CDC73: variants seen among roughly 807,000 people sequenced by gnomAD.
CDC73 encodes the protein parafibromin.
A neutral mutation model predicts 83.7 loss-of-function variants in CDC73; 21 were observed. That is an observed-to-expected ratio of 0.25 (90% CI 0.18 to 0.36). CDC73 has a LOEUF of 0.36. Ranked by LOEUF, CDC73 falls within the 10% of genes least tolerant of loss-of-function variation. The pLI, the probability that CDC73 is intolerant of heterozygous loss-of-function variation, is 1.00. For missense variants in CDC73, 342 were observed against 653.3 expected, an observed-to-expected ratio of 0.52 and a Z score of 5.19; for synonymous variants, 224 against 212.9, an observed-to-expected ratio of 1.05 and a Z score of -0.45.
At chr1:193,244,493 G>A (rs937413912) in intron 15 of CDC73, among the ~76,000 whole-genome samples, 3 of 152,164 alleles carry the variant, frequency 2.0e-5, no homozygotes. Flanking sequence ...GGGCCAGGAG[G>A]GTCACTTGAG....
intron 10 of CDC73, chr1:193,181,771 C>CTG (rs750229437): frequency 1.1e-4 from 49 of 448,728 alleles, no homozygotes; most frequent in Non-Finnish European, 1.9e-4. Flanking sequence ...ATGTCTTAAG[C>CTG]TGTGAAAATA....
rs927001605 is a variant in CDC73 at position 193,147,959 on chromosome 1, A to G, written c.822A>G (p.Ala274=). The G allele has an allele frequency of 5.0e-6, 8 of 1,607,238 alleles. No individual in the cohort carries two copies. Among genetic ancestry groups the G allele is most frequent in the Non-Finnish European group, 6.0e-6 (7 of 1,173,836 alleles). ...APEQRPAPNA[A]PVDPTLRTKQ... ...AACAGCGACCTGCCCCAAATGCAGCACCTGTGGTAAGAATGCTTTACTGCT... is the reference window on the plus strand; with the variant it reads ...AACAGCGACCTGCCCCAAATGCAGCGCCTGTGGTAAGAATGCTTTACTGCT... The change falls in exon 8 of 17, where the codon GCA becomes GCG. Residue 274 remains alanine (A), a synonymous_variant. Transcript: ENST00000367435.
chr1:193,163,651 C>G (rs531511280), intron 10 of CDC73, among the ~76,000 whole-genome samples: 3 of 152,172 alleles, frequency 2.0e-5, no homozygotes, highest in African/African-American at 7.2e-5. Flanking sequence ...TTGATAGGTA[C>G]CAATTTTGGG....
chr1:193,236,434 T>C (rs1476138768), intron 15 of CDC73, 78 bp downstream of exon 15: 6 of 910,326 alleles, frequency 6.6e-6, no homozygotes, highest in Non-Finnish European at 1.1e-5. Context: ...CATATAGTTC[T>C]GCGCATATGA....
In CDC73 at chr1:193,212,409, C is replaced by T. The variant is rs745440665; in HGVS notation, c.1086C>T (p.Ile362=). ...TTATAGGATCTCGAACACCCATTAT[C>T]ATAATTCCTGCAGCTACCACCTCTT... ...NQKKGSRTPI[I]IIPAATTSLI... is the part of the protein sequence containing the mutation. The change falls in exon 13 of 17, where the codon ATC becomes ATT. Residue 362 remains isoleucine, a synonymous_variant. Transcript: ENST00000367435. 1.2e-6 allele frequency: 2 copies of T among 1,605,144 alleles called. No homozygotes were observed. Among genetic ancestry groups the T allele is most frequent in the South Asian group, 1.1e-5 (1 of 89,528 alleles).
intron 10 of CDC73, among the ~76,000 whole-genome samples, chr1:193,192,029 T>C (rs1314452681): frequency 1.3e-5 from 2 of 152,220 alleles, no homozygotes. Flanking sequence ...TTCAAGTATA[T>C]GTAAAATATC....
chr1:193,214,903 T>C (rs1240277315), intron 13 of CDC73, among the ~76,000 whole-genome samples: 1 of 152,198 alleles, frequency 6.6e-6, no homozygotes, highest in African/African-American at 2.4e-5. Flanking sequence ...GATGTGTATA[T>C]TGGGTTTGTT....
rs1173544616 is a variant in CDC73, at chr1:193,180,945, C to T, written c.973-22850C>T. 5 of 1,613,308 alleles carry T rather than the reference C, an allele frequency of 3.1e-6. No individual in the cohort carries two copies. The African/African-American group carries it at 6.7e-5, about 22-fold the overall frequency. On this transcript the variant is annotated intron_variant, in intron 10 of 16. Transcript: ENST00000367435. ...TATCATGATATTGTCTGCTTTCTTC[C>T]AGTATTGCACGTTGAAGGTAGCCAT...
intron 10 of CDC73, among the ~76,000 whole-genome samples, chr1:193,187,645 A>G (rs1212090936): frequency 2.0e-5 from 3 of 152,188 alleles, no homozygotes; most frequent in African/African-American, 7.2e-5. Flanking sequence ...CTAAAGGTTA[A>G]CAGTTATATA....
intron 10 of CDC73, among the ~76,000 whole-genome samples, chr1:193,196,327 CTAG>C: frequency 6.6e-6 from 1 of 152,224 alleles, no homozygotes; most frequent in Admixed American, 6.5e-5. Context: ...TCTGGGTATT[CTAG>C]TCCATTAATC....
intron 15 of CDC73, among the ~76,000 whole-genome samples, chr1:193,241,705 C>T (rs1436956669): frequency 3.9e-5 from 6 of 152,136 alleles, no homozygotes; most frequent in Admixed American, 3.9e-4. Flanking sequence ...TCTTCTGCCC[C>T]TGGGAAAAGT....
intron 15 of CDC73, among the ~76,000 whole-genome samples, chr1:193,238,316 C>G (rs945673968): frequency 2.0e-5 from 3 of 152,184 alleles, no homozygotes; most frequent in Non-Finnish European, 1.5e-5. Context: ...CTAGCTTCTT[C>G]TTTTTCCTTT....
intron 10 of CDC73, among the ~76,000 whole-genome samples, chr1:193,156,240 A>G (rs368559108): frequency 6.6e-6 from 1 of 152,178 alleles, no homozygotes; most frequent in South Asian, 2.1e-4. Context: ...CCTTGAGAAC[A>G]ACTTCATTTT....
chr1:193,198,781 G>A (rs1016601077), intron 10 of CDC73, among the ~76,000 whole-genome samples: 6 of 152,346 alleles, frequency 3.9e-5, no homozygotes, highest in East Asian at 1.9e-4. Flanking sequence ...CATAGGCTTT[G>A]GATTCAAAAA....
chr1:193,152,541 C>G, intron 10 of CDC73, 97 bp downstream of exon 10: 1 of 827,064 alleles, frequency 1.2e-6, no homozygotes, highest in Non-Finnish European at 2.1e-6. Flanking sequence ...TTTTTTATTT[C>G]AAACATTTTT....
intron 10 of CDC73, among the ~76,000 whole-genome samples, chr1:193,158,198 G>A (rs1417336700): frequency 1.3e-5 from 2 of 151,672 alleles, no homozygotes; most frequent in Admixed American, 1.3e-4. Flanking sequence ...AAGTAATTGG[G>A]GTGTTTTTGC....
rs1381586794 is a variant in CDC73 at position 193,205,228 on chromosome 1, G to A, written c.1030+1376G>A. 3.5e-5 allele frequency among the ~76,000 whole-genome samples: 4 copies of A among 115,802 alleles called. 1 individual carries two copies. Among genetic ancestry groups the A allele is most frequent in the African/African-American group, 1.4e-4 (4 of 27,686 alleles). 76.0% of individuals were successfully genotyped at this position (115,802 alleles called of 152,430 possible). On this transcript the variant is annotated intron_variant, in intron 11 of 16. Coordinates refer to ENST00000367435, the MANE Select transcript of CDC73 (RefSeq NM_024529.5). ...CCCCCCTTTTTTTTTAAACTCATCA[G>A]TGCTGTTGAAAGTGAGTATGAAGAA...
chr1:193,181,287 C>T, intron 10 of CDC73: 2 of 1,614,070 alleles, frequency 1.2e-6, no homozygotes, highest in Non-Finnish European at 8.5e-7. Context: ...CTGTTTGAGG[C>T]CTCAGGGTTT....
intron 15 of CDC73, among the ~76,000 whole-genome samples, chr1:193,247,775 C>T (rs980844352): frequency 5.3e-5 from 8 of 152,122 alleles, no homozygotes; most frequent in African/African-American, 1.9e-4. Context: ...GAGCCTGATC[C>T]TGAGCAGTGC....
Sources: allele counts gnomAD v4.1 joint callset (sites outside exome capture counted in the v4.1 genomes callset), GRCh38; gene constraint gnomAD v4.1.1; transcripts MANE v1.5; gene names NCBI Gene and HGNC (gene_info 2026-07-23, HGNC 2026-07-21).